The following NFIB variants were observed in gnomAD, a reference collection of about 807,000 sequenced individuals.
NFIB encodes nuclear factor I B, also known as nuclear factor 1 B-type.
Under a neutral mutation model 61.5 loss-of-function variants are expected in NFIB, and 11 were observed. That is an observed-to-expected ratio of 0.18 (90% confidence interval 0.11 to 0.30). The LOEUF is 0.30. Among genes scored for constraint, NFIB ranks in the 10% least tolerant of loss-of-function variants. NFIB has a pLI of 1.00. For synonymous variants in NFIB, 260 were observed against 216.5 expected (o/e 1.20, Z -1.76); for missense variants, 471 against 608.9 (o/e 0.77, Z 2.38).
At chr9:14,332,586 G>A (rs968739964) in intron 1 of NFIB, among the ~76,000 whole-genome samples, 5 of 152,284 alleles carry the variant, frequency 3.3e-5, no homozygotes, top group Admixed American at 1.3e-4. Context: ...AGTGAGGACC[G>A]GAGCAGTGTC....
rs184978400 is a variant in NFIB, at chr9:14,098,824, T to A, written c.1468-10498A>T. On this transcript the variant is annotated intron_variant, in intron 10 of 10. Coordinates refer to ENST00000380953, the MANE Select transcript of NFIB (RefSeq NM_001190737.2). ...ACATGTGTGTGCACACACACACAGT[T>A]CACAAAACAGTTCACAAAATTTTAA... Among the ~76,000 whole-genome samples the A allele has an allele frequency of 1.1e-3, 170 of 152,352 alleles. 1 individual carries two copies. The highest frequency in any genetic ancestry group is 3.9e-3 in the African/African-American group (164 of 41,586).
At chr9:14,162,650 T>C (rs1184002846) in intron 3 of NFIB, among the ~76,000 whole-genome samples, 1 of 152,112 alleles carries the variant, frequency 6.6e-6, no homozygotes, top group Non-Finnish European at 1.5e-5. Context: ...CAAAATATTA[T>C]TTCATAAAAA....
intron 1 of NFIB, among the ~76,000 whole-genome samples, chr9:14,366,705 C>T (rs1359067632): frequency 1.3e-5 from 2 of 152,046 alleles, no homozygotes; most frequent in African/African-American, 2.4e-5. Context: ...AGGCTGGTCT[C>T]GAACTCCTGA....
chr9:14,241,711 G>C (rs923704609), intron 2 of NFIB, among the ~76,000 whole-genome samples: 2 of 152,006 alleles, frequency 1.3e-5, no homozygotes, highest in Admixed American at 1.3e-4. Context: ...ATATGTACAG[G>C]TTAGTCTGGT....
At chr9:14,460,196 TG>T in the NFIB span, among the ~76,000 whole-genome samples, 1 of 152,036 alleles carries the variant, frequency 6.6e-6, no homozygotes, top group Admixed American at 6.6e-5. Context: ...CCATAAAAAA[TG>T]ATGAGTTCAT....
chr9:14,529,281 A>G, the NFIB span, among the ~76,000 whole-genome samples: 1 of 152,188 alleles, frequency 6.6e-6, no homozygotes, highest in East Asian at 1.9e-4. Flanking sequence ...AGAGAATCTA[A>G]CTGAAACAGA....
the NFIB span, among the ~76,000 whole-genome samples, chr9:14,531,219 C>T: frequency 6.6e-6 from 1 of 152,174 alleles, no homozygotes. Flanking sequence ...CAGGATTCAC[C>T]AATATCCCTC....
chr9:14,450,543 C>T, the NFIB span, among the ~76,000 whole-genome samples: 1 of 152,192 alleles, frequency 6.6e-6, no homozygotes, highest in Admixed American at 6.5e-5. Context: ...CCTCCCCACT[C>T]TGTGTACTCC....
At chr9:14,111,038 G>T (rs762725152) in intron 10 of NFIB, among the ~76,000 whole-genome samples, 1 of 151,972 alleles carries the variant, frequency 6.6e-6, no homozygotes, top group Non-Finnish European at 1.5e-5. Flanking sequence ...AACTATAGTT[G>T]ACTGAACAAA....
intron 10 of NFIB, among the ~76,000 whole-genome samples, chr9:14,107,637 C>T (rs2036763555): frequency 6.6e-6 from 1 of 152,064 alleles, no homozygotes; most frequent in South Asian, 2.1e-4. Flanking sequence ...AAGGACTTGT[C>T]CAAGGTTAGA....
At chr9:14,457,122 G>A in the NFIB span, among the ~76,000 whole-genome samples, 1 of 152,108 alleles carries the variant, frequency 6.6e-6, no homozygotes, top group South Asian at 2.1e-4. Context: ...TCTTAAAAAG[G>A]CTAACAGAGA....
intron 2 of NFIB, among the ~76,000 whole-genome samples, chr9:14,250,012 C>G (rs1300308365): frequency 1.3e-5 from 2 of 152,192 alleles, no homozygotes; most frequent in African/African-American, 4.8e-5. Context: ...ATTCCTAACT[C>G]CTTGTTCAAA....
chr9:14,126,761 C>T (rs867440337), intron 6 of NFIB, among the ~76,000 whole-genome samples: 2 of 152,176 alleles, frequency 1.3e-5, no homozygotes, highest in South Asian at 2.1e-4. Context: ...CAGTTTAAAA[C>T]AATTCCCCCA....
At chr9:14,256,849 T>A (rs750561335) in intron 2 of NFIB, among the ~76,000 whole-genome samples, 4 of 152,210 alleles carry the variant, frequency 2.6e-5, no homozygotes, top group Non-Finnish European at 5.9e-5. Context: ...GTTAACTTCC[T>A]GACTCCTGCC....
intron 3 of NFIB, among the ~76,000 whole-genome samples, chr9:14,158,876 T>A (rs1310612108): frequency 1.3e-5 from 2 of 152,242 alleles, no homozygotes; most frequent in Admixed American, 1.3e-4. Context: ...CTGGAAGTGT[T>A]TAAATAGTAA....
At chr9:14,154,600 G>A (rs745905073) in intron 4 of NFIB, among the ~76,000 whole-genome samples, 1 of 152,124 alleles carries the variant, frequency 6.6e-6, no homozygotes, top group Non-Finnish European at 1.5e-5. Context: ...GGGGCTACCA[G>A]AATACAGGAT....
chr9:14,131,871 T>G (rs1489741778), intron 6 of NFIB, among the ~76,000 whole-genome samples: 1 of 152,164 alleles, frequency 6.6e-6, no homozygotes, highest in Non-Finnish European at 1.5e-5. Flanking sequence ...AGTCAACTAG[T>G]GATCTAGGGC....
chr9:14,159,830 C>T (rs569401484), intron 3 of NFIB, among the ~76,000 whole-genome samples: 25 of 152,194 alleles, frequency 1.6e-4, no homozygotes, highest in Non-Finnish European at 3.5e-4. Flanking sequence ...CTGCTGCTAA[C>T]ATAACCCCAT....
intron 2 of NFIB, among the ~76,000 whole-genome samples, chr9:14,293,372 G>T (rs897385824): frequency 6.6e-6 from 1 of 152,168 alleles, no homozygotes; most frequent in Non-Finnish European, 1.5e-5. Flanking sequence ...ATCTGTCCTA[G>T]AATTGAACCA....
Sources: gnomAD v4.1 joint callset for allele counts (sites outside exome capture counted in the v4.1 genomes callset) on GRCh38, gnomAD v4.1.1 for gene constraint, MANE v1.5 for transcripts, NCBI Gene and HGNC (gene_info 2026-07-23, HGNC 2026-07-21) for gene names.